RASA2: variants seen among roughly 807,000 people sequenced by gnomAD.
RASA2 encodes the protein RAS p21 protein activator 2.
RASA2 carries 155 observed loss-of-function variants against 118.2 expected under a neutral mutation model. The observed-to-expected ratio is 1.31, with a 90% CI of 1.15 to 1.50. RASA2 has a LOEUF of 1.50. Among genes scored for constraint, RASA2 ranks in the 40% most tolerant of loss-of-function variants. The probability of loss-of-function intolerance (pLI) is 0.00; values close to 1 mark genes in which losing one functional copy is unlikely to be tolerated. For missense variants in RASA2, 1,016 were observed against 1,009.6 expected (o/e 1.01, Z -0.09); for synonymous variants, 353 against 349.1 (o/e 1.01, Z -0.12).
intron 9 of RASA2, among the ~76,000 whole-genome samples, chr3:141,563,298 GT>G (rs1181276857): frequency 1.3e-5 from 2 of 152,026 alleles, no homozygotes; most frequent in African/African-American, 4.8e-5. Context: ...ATATATATGA[GT>G]TTTTTGTTTT....
chr3:141,516,069 G>A (rs1444635073), intron 2 of RASA2, among the ~76,000 whole-genome samples: 2 of 110,226 alleles, frequency 1.8e-5, no homozygotes, highest in African/African-American at 3.5e-5. Context: ...GGGGAGGGGG[G>A]AGGGATAGCA....
chr3:141,545,043 A>G (rs1206658392), intron 5 of RASA2, among the ~76,000 whole-genome samples: 1 of 152,228 alleles, frequency 6.6e-6, no homozygotes, highest in Non-Finnish European at 1.5e-5. Context: ...AATGGGTGCT[A>G]GCCTTAATAC....
chr3:141,506,934 A>G (rs2081877718), intron 1 of RASA2, among the ~76,000 whole-genome samples: 1 of 150,714 alleles, frequency 6.6e-6, no homozygotes, highest in Admixed American at 6.6e-5. Context: ...AAAAAAAAAG[A>G]AAAAGAAAAA....
intron 4 of RASA2, among the ~76,000 whole-genome samples, chr3:141,538,603 T>C (rs2082362500): frequency 6.6e-6 from 1 of 152,206 alleles, no homozygotes; most frequent in Non-Finnish European, 1.5e-5. Flanking sequence ...AGTTAGTGTT[T>C]TACAGTTTAG....
At chr3:141,516,984 G>A (rs1397576909) in intron 3 of RASA2, among the ~76,000 whole-genome samples, 1 of 151,946 alleles carries the variant, frequency 6.6e-6, no homozygotes, top group African/African-American at 2.4e-5. Flanking sequence ...ATGTTGGCCA[G>A]GCTGATCTTA....
Position 141,570,985 on chromosome 3 carries a change from A to T in RASA2, c.937A>T (p.Ile313Leu). The T allele has an allele frequency of 6.2e-7, 1 of 1,612,754 alleles. No individual in the cohort carries two copies. Among genetic ancestry groups the T allele is most frequent in the South Asian group, 1.1e-5 (1 of 90,874 alleles). Residue 313 changes from isoleucine to leucine, a missense_variant, in exon 10 of 24, where the codon ATA becomes TTA. By Grantham distance (5) the Ile-to-Leu change is conservative (BLOSUM62 2). Transcript: ENST00000286364. ...TGACCTGGGGTCTCTTCGATTAAAT[A>T]TATGTTATACAGAAGACTACGTGCT... ...TDDLGSLRLNICYTEDYVLPS... is the reference protein window; with the variant it reads ...TDDLGSLRLNLCYTEDYVLPS...
rs1203446789 is a variant in RASA2 at position 141,589,129 on chromosome 3, G to A, written c.1933+2377G>A. On this transcript the variant is annotated intron_variant, in intron 19 of 23. Transcript: ENST00000286364. The stretch of plus-strand genomic sequence containing the variant: ...GCTGAGATTACAGGCATGAGCCAGC[G>A]CGCCCGGCCCAGATAGCATTTTTTA... Among the ~76,000 whole-genome samples the A allele has an allele frequency of 5.3e-5, 8 of 152,092 alleles. No homozygotes were observed. In the East Asian group the frequency reaches 5.8e-4, roughly 11 times the overall value.
intron 19 of RASA2, among the ~76,000 whole-genome samples, chr3:141,604,299 G>A (rs2083513253): frequency 6.6e-6 from 1 of 151,486 alleles, no homozygotes. Flanking sequence ...CCTTTTTATT[G>A]GAATAGTTGA....
chr3:141,508,026 C>G (rs2081894880), intron 1 of RASA2, among the ~76,000 whole-genome samples: 1 of 151,982 alleles, frequency 6.6e-6, no homozygotes. Context: ...ATTAAACGGG[C>G]TATAGATAAG....
At chr3:141,537,815 G>A (rs889192815) in intron 4 of RASA2, among the ~76,000 whole-genome samples, 4 of 152,008 alleles carry the variant, frequency 2.6e-5, no homozygotes, top group African/African-American at 7.3e-5. Flanking sequence ...CAATATCTGC[G>A]TCTCTTGTAA....
At chr3:141,552,812 G>C (rs1409045488) in intron 5 of RASA2, among the ~76,000 whole-genome samples, 1 of 152,176 alleles carries the variant, frequency 6.6e-6, no homozygotes, top group Non-Finnish European at 1.5e-5. Flanking sequence ...CCTGTGGGTT[G>C]TGGAGAGAAA....
At position 141,487,120 on chromosome 3, in the gene RASA2, TC is replaced by T; in HGVS notation, c.39del (p.Glu14ArgfsTer46). The stretch of plus-strand genomic sequence containing the variant: ...GGCGCCTGCTGCTGCGGCGGCTTCT[TC>T]CGAGGCGCCAGCGGCGAGTGCGACT... The part of the protein sequence containing the change: ...AAAPAAAAAS[S>X]EAPAASATAE... On this transcript the variant is annotated frameshift_variant, in exon 1 of 24. Coordinates refer to ENST00000286364, the MANE Select transcript of RASA2 (RefSeq NM_006506.5). LOFTEE classifies it high-confidence loss of function. The T allele has an allele frequency of 7.0e-7, 1 of 1,425,600 alleles. No homozygotes were observed. The highest frequency in any genetic ancestry group is 9.3e-7 in the Non-Finnish European group (1 of 1,078,266). The allele number at this position is 1,425,600 out of a possible 1,614,324, so 88.3% of individuals were successfully genotyped here.
intron 19 of RASA2, chr3:141,586,968 G>A: frequency 1.8e-6 from 1 of 568,612 alleles, no homozygotes; most frequent in East Asian, 3.5e-5. Flanking sequence ...TTCTGAAAAT[G>A]GTGTTCCTTC....
intron 3 of RASA2, among the ~76,000 whole-genome samples, chr3:141,517,677 G>A (rs556138416): frequency 3.1e-4 from 47 of 151,686 alleles, no homozygotes; most frequent in Admixed American, 8.5e-4. Context: ...TTTTTGAGAC[G>A]GAGTGTCACT....
chr3:141,547,312 T>C (rs2082499715), intron 5 of RASA2, among the ~76,000 whole-genome samples: 1 of 152,192 alleles, frequency 6.6e-6, no homozygotes, highest in Non-Finnish European at 1.5e-5. Context: ...TTTAACAACA[T>C]TGATTCTTCC....
chr3:141,534,417 AT>A (rs1180861086), intron 4 of RASA2, among the ~76,000 whole-genome samples: 1 of 152,144 alleles, frequency 6.6e-6, no homozygotes, highest in African/African-American at 2.4e-5. Flanking sequence ...CATATGGAGA[AT>A]TTGCTGCTCT....
In RASA2 at chr3:141,609,872, T is replaced by G. The variant is rs377365279; in HGVS notation, c.2330-5T>G. ...ATCAGAGATTTATTTTCCTGCTCTT[T>G]GTAGAGGCTTGTGGAACTATTGCAG... On this transcript the variant is annotated splice_region_variant and splice_polypyrimidine_tract_variant and intron_variant, in intron 22 of 23. Coordinates refer to ENST00000286364, the MANE Select transcript of RASA2 (RefSeq NM_006506.5). 5 of 1,545,878 alleles carry G rather than the reference T, an allele frequency of 3.2e-6. No homozygotes were observed. Among genetic ancestry groups the G allele is most frequent in the Non-Finnish European group, 4.3e-6 (5 of 1,152,034 alleles).
intron 13 of RASA2, 75 bp from the exon 14 acceptor site, chr3:141,573,869 C>T (rs2082963433): frequency 2.4e-6 from 3 of 1,273,022 alleles, no homozygotes; most frequent in African/African-American, 1.5e-5. Context: ...CATTTTCTTA[C>T]ATTTTTCTTT....
chr3:141,504,147 A>G (rs944073773), intron 1 of RASA2, among the ~76,000 whole-genome samples: 35 of 152,276 alleles, frequency 2.3e-4, no homozygotes, highest in African/African-American at 7.9e-4. Context: ...GAGACAACCA[A>G]ACTGCTTTTG....
Sources: allele counts gnomAD v4.1 joint callset (sites outside exome capture counted in the v4.1 genomes callset), GRCh38; gene constraint gnomAD v4.1.1; transcripts MANE v1.5; gene names NCBI Gene and HGNC (gene_info 2026-07-23, HGNC 2026-07-21).